The following PLCB1 variants were observed in gnomAD, a reference collection of about 807,000 sequenced individuals.
PLCB1 encodes the protein phospholipase C beta 1.
In PLCB1, 46 loss-of-function variants were observed where a neutral mutation model predicts 161.8. That is an observed-to-expected ratio of 0.28 (90% CI 0.22 to 0.36). The LOEUF (loss-of-function observed/expected upper bound fraction) is 0.36. PLCB1 is among the 10% of genes least tolerant of loss of function. The probability of loss-of-function intolerance (pLI) is 1.00; values close to 1 mark genes in which losing one functional copy is unlikely to be tolerated. For synonymous variants in PLCB1, 517 were observed against 503.7 expected, an observed-to-expected ratio of 1.03 and a Z score of -0.35; for missense variants, 1,016 against 1,472.5, an observed-to-expected ratio of 0.69 and a Z score of 5.07.
At chr20:8,140,069 T>C (rs2051387251) in intron 1 of PLCB1, among the ~76,000 whole-genome samples, 2 of 152,196 alleles carry the variant, frequency 1.3e-5, no homozygotes, top group Admixed American at 1.3e-4. Flanking sequence ...GTGGTGACAG[T>C]GGCCACTCCC....
chr20:8,814,387 T>C (rs1477210569), intron 31 of PLCB1, among the ~76,000 whole-genome samples: 1 of 152,198 alleles, frequency 6.6e-6, no homozygotes, highest in Non-Finnish European at 1.5e-5. Flanking sequence ...AGATTTCCAA[T>C]CTTGAAATTA....
chr20:8,448,855 T>G (rs1300466226), intron 3 of PLCB1, among the ~76,000 whole-genome samples: 2 of 152,114 alleles, frequency 1.3e-5, no homozygotes, highest in African/African-American at 4.8e-5. Context: ...ACAGATGGCT[T>G]TGAGGTAAGA....
chr20:8,263,680 T>A (rs537519944), intron 2 of PLCB1, among the ~76,000 whole-genome samples: 1 of 152,328 alleles, frequency 6.6e-6, no homozygotes, highest in South Asian at 2.1e-4. Flanking sequence ...CTGTGCTGAA[T>A]ACTGTAAGCA....
chr20:8,670,696 C>A (rs1239379690), intron 9 of PLCB1, among the ~76,000 whole-genome samples: 1 of 152,174 alleles, frequency 6.6e-6, no homozygotes. Flanking sequence ...CAGTGAAGTT[C>A]ATGTAATGTA....
At chr20:8,414,369 A>G (rs768035942) in intron 3 of PLCB1, among the ~76,000 whole-genome samples, 2 of 152,182 alleles carry the variant, frequency 1.3e-5, no homozygotes, top group African/African-American at 4.8e-5. Flanking sequence ...CAAACAAACA[A>G]AAACTTGGAA....
At chr20:8,444,309 G>A (rs571917493) in intron 3 of PLCB1, among the ~76,000 whole-genome samples, 3 of 152,012 alleles carry the variant, frequency 2.0e-5, no homozygotes, top group South Asian at 2.1e-4. Context: ...TTGTCCTTGC[G>A]ATAGTTTGCT....
intron 3 of PLCB1, among the ~76,000 whole-genome samples, chr20:8,418,737 T>C (rs548501874): frequency 7.2e-5 from 11 of 152,296 alleles, no homozygotes; most frequent in Admixed American, 7.2e-4. Flanking sequence ...TATTTAATGG[T>C]AGTCTAATTT....
chr20:8,488,193 G>T (rs1216184051), intron 3 of PLCB1, among the ~76,000 whole-genome samples: 3 of 152,154 alleles, frequency 2.0e-5, no homozygotes, highest in Non-Finnish European at 2.9e-5. Flanking sequence ...AGTTTTAAAT[G>T]ATTCAAGTGA....
Position 8,556,282 on chromosome 20 carries a change from G to A in PLCB1, c.247-72012G>A, listed in dbSNP as rs188369726. 7.2e-5 allele frequency among the ~76,000 whole-genome samples: 11 copies of A among 151,952 alleles called. No homozygotes were observed. In the East Asian group the frequency reaches 1.2e-3, roughly 16 times the overall value. ...AGAGTCCCTAAAAGTACTTGCCTTC[G>A]TTTTACCTAACTTGGAACTCTCTTA... On this transcript the variant is annotated intron_variant, in intron 3 of 31. Transcript: ENST00000338037.
At chr20:8,244,262 G>A (rs1980763811) in intron 2 of PLCB1, among the ~76,000 whole-genome samples, 1 of 151,838 alleles carries the variant, frequency 6.6e-6, no homozygotes, top group Non-Finnish European at 1.5e-5. Context: ...GATCATATGT[G>A]TCCACTAGAA....
intron 31 of PLCB1, among the ~76,000 whole-genome samples, chr20:8,861,358 C>T (rs757432304): frequency 2.0e-5 from 3 of 152,246 alleles, no homozygotes; most frequent in South Asian, 2.1e-4. Context: ...AAGGATAAGT[C>T]ATTAGTTGGT....
intron 4 of PLCB1, among the ~76,000 whole-genome samples, chr20:8,645,596 G>A (rs1417362586): frequency 6.6e-6 from 1 of 152,218 alleles, no homozygotes; most frequent in Non-Finnish European, 1.5e-5. Flanking sequence ...AGTGTTGGGA[G>A]AAGGGAGAAT....
chr20:8,493,493 G>A (rs1294439209), intron 3 of PLCB1, among the ~76,000 whole-genome samples: 1 of 152,168 alleles, frequency 6.6e-6, no homozygotes, highest in Non-Finnish European at 1.5e-5. Context: ...AAAAGGCTTT[G>A]GTTTGCTTCG....
chr20:8,407,168 T>A (rs972214286), intron 3 of PLCB1, among the ~76,000 whole-genome samples: 1 of 151,682 alleles, frequency 6.6e-6, no homozygotes, highest in Non-Finnish European at 1.5e-5. Context: ...GAAAATAAAA[T>A]TTTTTTTAAT....
intron 3 of PLCB1, among the ~76,000 whole-genome samples, chr20:8,532,642 G>A (rs1457978557): frequency 2.0e-5 from 3 of 152,078 alleles, no homozygotes; most frequent in Non-Finnish European, 4.4e-5. Context: ...AGAGTATGGA[G>A]GGGAATATAT....
chr20:8,466,892 G>A (rs372658573), intron 3 of PLCB1, among the ~76,000 whole-genome samples: 3 of 152,154 alleles, frequency 2.0e-5, no homozygotes, highest in East Asian at 3.9e-4. Flanking sequence ...GTAGAGACTC[G>A]TGTATGATGT....
chr20:8,731,054 A>G (rs1980216212), intron 18 of PLCB1, among the ~76,000 whole-genome samples: 2 of 151,822 alleles, frequency 1.3e-5, no homozygotes, highest in African/African-American at 2.4e-5. Context: ...GTTCTCAGGT[A>G]TTAAATGAGG....
At chr20:8,309,866 C>T (rs186600201) in intron 2 of PLCB1, among the ~76,000 whole-genome samples, 4 of 152,212 alleles carry the variant, frequency 2.6e-5, no homozygotes, top group African/African-American at 7.2e-5. Context: ...AGCACGCTAG[C>T]CAATTAAGGG....
Position 8,308,906 on chromosome 20 carries a change from G to A in PLCB1, c.178-62476G>A, listed in dbSNP as rs2719808. On this transcript the variant is annotated intron_variant, in intron 2 of 31. Coordinates refer to ENST00000338037, the MANE Select transcript of PLCB1 (RefSeq NM_015192.4). ...GTAGTTCATTTTGAATCCCAGATAG[G>A]GACTCATAGATTTTTTTCTTTTTAA... Among the ~76,000 whole-genome samples the A allele has an allele frequency of 6.8e-3, 1,025 of 151,760 alleles. 14 individuals carry two copies. The highest frequency in any genetic ancestry group is 0.022 in the African/African-American group (922 of 41,390).
Sources: allele counts gnomAD v4.1 joint callset (sites outside exome capture counted in the v4.1 genomes callset), GRCh38; gene constraint gnomAD v4.1.1; transcripts MANE v1.5; gene names NCBI Gene and HGNC (gene_info 2026-07-23, HGNC 2026-07-21).